Variants in SLC25A39 observed in about 807,000 individuals in gnomAD.
SLC25A39 encodes mitochondrial glutathione transporter SLC25A39.
In SLC25A39, 44 loss-of-function variants were observed where a neutral mutation model predicts 46.6. That is an observed-to-expected ratio of 0.94 (90% CI 0.74 to 1.21). SLC25A39 has a LOEUF of 1.21. Ranked by LOEUF, SLC25A39 falls within the 50% of genes most tolerant of loss-of-function variation. The pLI, the probability that SLC25A39 is intolerant of heterozygous loss-of-function variation, is 0.00. For missense variants in SLC25A39, 487 were observed against 473.0 expected, an observed-to-expected ratio of 1.03 and a Z score of -0.28; for synonymous variants, 218 against 190.6, an observed-to-expected ratio of 1.14 and a Z score of -1.19.
chr17:44,322,678 G>GGACT, intron 4 of SLC25A39, 126 bp from the exon 5 acceptor site: 1 of 1,556,816 alleles, frequency 6.4e-7, no homozygotes, highest in African/African-American at 1.4e-5. Flanking sequence ...GCAGGTCACA[G>GGACT]GACTGGCTGG....
intron 1 of SLC25A39, chr17:44,323,950 C>CT: frequency 4.2e-6 from 1 of 240,926 alleles, no homozygotes; most frequent in East Asian, 1.3e-4. Flanking sequence ...CACTGTGAGA[C>CT]TTTAACCCAA....
intron 5 of SLC25A39, 140 bp downstream of exon 5, chr17:44,322,278 GC>G (rs2048069392): frequency 1.2e-6 from 1 of 840,488 alleles, no homozygotes; most frequent in Non-Finnish European, 1.9e-6. Flanking sequence ...TGGAGGTACT[GC>G]CTTCTCCGGA....
intron 2 of SLC25A39, 53 bp from the exon 3 acceptor site, chr17:44,323,396 T>C (rs2048118473): frequency 6.3e-7 from 1 of 1,589,446 alleles, no homozygotes; most frequent in Non-Finnish European, 8.6e-7. Flanking sequence ...CCCCTAGGAC[T>C]CCTCCCCCAG....
chr17:44,320,928 T>TGA, intron 8 of SLC25A39, 130 bp downstream of exon 8: 1 of 1,211,092 alleles, frequency 8.3e-7, no homozygotes, highest in South Asian at 1.6e-5. Flanking sequence ...ACTTCACAGA[T>TGA]GAGAAACCCA....
Position 44,319,802 on chromosome 17 carries a change from C to T in SLC25A39, c.*199G>A, listed in dbSNP as rs945783205. The T allele has an allele frequency of 3.1e-5, 18 of 578,088 alleles. No individual in the cohort carries two copies. The East Asian group carries it at 3.2e-4, about 10-fold the overall frequency. 35.8% of individuals were successfully genotyped at this position (578,088 alleles called of 1,614,324 possible). On this transcript the variant is annotated 3_prime_UTR_variant, in exon 12 of 12. Coordinates refer to ENST00000377095, the MANE Select transcript of SLC25A39 (RefSeq NM_001143780.3). ...GGGGGTGGGTAAGTGATGATCCCCA[C>T]GACTGGAGCAGCAGGAAGAAGTTGT...
Position 44,321,706 on chromosome 17 carries a change from G to A in SLC25A39, c.386C>T (p.Ala129Val). 1 of 1,611,894 alleles carries A rather than the reference G, an allele frequency of 6.2e-7. No individual in the cohort carries two copies. The highest frequency in any genetic ancestry group is 1.1e-5 in the South Asian group (1 of 90,890). ...GTRTLWSGLPATLVMTVPATA... is the reference protein window; with the variant it reads ...GTRTLWSGLPVTLVMTVPATA... ...GCAGGACCCGGCTACTCACAGGGTG[G>A]CGGGGAGGCCGCTCCAGAGGGTCCT... is the stretch of plus-strand genomic sequence containing the variant. Residue 129 changes from alanine to valine, a missense_variant, in exon 6 of 12, where the codon GCC (alanine) becomes GTC (valine). By Grantham distance (64) the Ala-to-Val change is moderately conservative. Transcript: ENST00000377095.
chr17:44,322,798 G>C lies in SLC25A39; in HGVS notation c.190+10C>G. The C allele has an allele frequency of 6.2e-7, 1 of 1,613,980 alleles. No homozygotes were observed. On this transcript the variant is annotated intron_variant, in intron 4 of 11. Transcript: ENST00000377095. ...ACCCTCCCATGCTCCCTGTGGCTTG[G>C]GGCACTCACATTTGGTATAGGAGAG...
In SLC25A39 at chr17:44,319,963, T is replaced by A; in HGVS notation, c.*38A>T. 2.5e-6 allele frequency: 4 copies of A among 1,584,552 alleles called. No individual in the cohort carries two copies. Among genetic ancestry groups the A allele is most frequent in the Non-Finnish European group, 3.5e-6 (4 of 1,153,796 alleles). On this transcript the variant is annotated 3_prime_UTR_variant, in exon 12 of 12. Coordinates refer to ENST00000377095, the MANE Select transcript of SLC25A39 (RefSeq NM_001143780.3). ...TGGGTCTCCTCCTGCCCTCTCCCCA[T>A]CCGTGGGAGAGACGGGGTCCTTGCC... is the stretch of plus-strand genomic sequence containing the variant.
Position 44,319,802 on chromosome 17 carries a change from C to G in SLC25A39, c.*199G>C. 1.7e-6 allele frequency: 1 copy of G among 578,206 alleles called. No homozygotes were observed. The highest frequency in any genetic ancestry group is 2.9e-5 in the East Asian group (1 of 34,118). 35.8% of individuals were successfully genotyped at this position (578,206 alleles called of 1,614,324 possible). ...GGGGGTGGGTAAGTGATGATCCCCA[C>G]GACTGGAGCAGCAGGAAGAAGTTGT... On this transcript the variant is annotated 3_prime_UTR_variant, in exon 12 of 12. Transcript: ENST00000377095.
chr17:44,324,196 C>T (rs530585262), intron 1 of SLC25A39: 1 of 152,980 alleles, frequency 6.5e-6, no homozygotes, highest in South Asian at 2.0e-4. Flanking sequence ...CCACTGCGCA[C>T]CTCCTACGTG....
intron 9 of SLC25A39, 70 bp from the exon 10 acceptor site, chr17:44,320,506 C>T (rs1050674333): frequency 1.3e-6 from 2 of 1,594,710 alleles, no homozygotes; most frequent in African/African-American, 1.3e-5. Flanking sequence ...CCAGATGGCT[C>T]TTGCGGCTGG....
Position 44,322,401 on chromosome 17 carries a change from G to A in SLC25A39, c.324+18C>T. ...TCACGGACACCGACGAATCCCTACG[G>A]ACCCAGCTGCTCCTCACCATGGTGC... On this transcript the variant is annotated intron_variant, in intron 5 of 11. Coordinates refer to ENST00000377095, the MANE Select transcript of SLC25A39 (RefSeq NM_001143780.3). 1 of 1,613,930 alleles carries A rather than the reference G, an allele frequency of 6.2e-7. No individual in the cohort carries two copies. Among genetic ancestry groups the A allele is most frequent in the South Asian group, 1.1e-5 (1 of 91,068 alleles).
At position 44,322,838 on chromosome 17, in the gene SLC25A39, A is replaced by C. The variant is rs1427778159; in HGVS notation, c.160T>G (p.Ser54Ala). 2.5e-6 allele frequency: 4 copies of C among 1,613,904 alleles called. No individual in the cohort carries two copies. Among genetic ancestry groups the C allele is most frequent in the African/African-American group, 1.3e-5 (1 of 74,904 alleles). ...GTATAGGAGAGGCTCCACAGTCTGG[A>C]GGAAGGCATCAGCTCTAAAATACAA... ...PSMASELMPS[S>A]RLWSLSYTKL... Residue 54 changes from serine (S) to alanine (A), a missense_variant, in exon 4 of 12, where the codon TCC (serine) becomes GCC (alanine). Ser to Ala is a moderately conservative substitution (Grantham distance 99). Coordinates refer to ENST00000377095, the MANE Select transcript of SLC25A39 (RefSeq NM_001143780.3).
Position 44,324,817 on chromosome 17 carries a change from C to G in SLC25A39, c.-122G>C, listed in dbSNP as rs1008387753. 1 of 152,040 alleles carries G rather than the reference C, an allele frequency of 6.6e-6. No homozygotes were observed. Among genetic ancestry groups the G allele is most frequent in the Non-Finnish European group, 1.5e-5 (1 of 68,038 alleles). 9.4% of individuals were successfully genotyped at this position (152,040 alleles called of 1,614,324 possible). Reference sequence around the variant, plus strand: ...GCGCGCGCTCGCAGCGCACCTAGGCCGACGCCGAAAGCAGCCAAGGGGGCC... The same window carrying G: ...GCGCGCGCTCGCAGCGCACCTAGGCGGACGCCGAAAGCAGCCAAGGGGGCC... On this transcript the variant is annotated 5_prime_UTR_variant, in exon 1 of 12. Transcript: ENST00000377095.
At chr17:44,323,439 A>AAAGCCCCCCC in intron 2 of SLC25A39, 39 bp downstream of exon 2, 3 of 257,114 alleles carry the variant, frequency 1.2e-5, no homozygotes, top group Non-Finnish European at 1.7e-5. Context: ...GGTCTGCCCC[A>AAAGCCCCCCC]TCCCCACCCG....
In SLC25A39 at chr17:44,322,414, C is replaced by T. The variant is rs955550536; in HGVS notation, c.324+5G>A. Reference sequence around the variant, plus strand: ...CGAATCCCTACGGACCCAGCTGCTCCTCACCATGGTGCCAGTGAAGCGGGT... The same window carrying T: ...CGAATCCCTACGGACCCAGCTGCTCTTCACCATGGTGCCAGTGAAGCGGGT... On this transcript the variant is annotated splice_donor_5th_base_variant and intron_variant, in intron 5 of 11. Coordinates refer to ENST00000377095, the MANE Select transcript of SLC25A39 (RefSeq NM_001143780.3). The T allele has an allele frequency of 1.2e-6, 2 of 1,613,978 alleles. No individual in the cohort carries two copies. Among genetic ancestry groups the T allele is most frequent in the Non-Finnish European group, 1.7e-6 (2 of 1,180,008 alleles).
chr17:44,323,803 A>T (rs1422452058), intron 1 of SLC25A39: 1 of 537,560 alleles, frequency 1.9e-6, no homozygotes, highest in Non-Finnish European at 3.3e-6. Context: ...CACCACGCCT[A>T]GTTAATTTTT....
chr17:44,323,439 A>AGCCCCCCCCCCC, intron 2 of SLC25A39, 39 bp downstream of exon 2: 3 of 257,080 alleles, frequency 1.2e-5, no homozygotes, highest in Non-Finnish European at 1.7e-5. Context: ...GGTCTGCCCC[A>AGCCCCCCCCCCC]TCCCCACCCG....
chr17:44,322,869 C>A lies in SLC25A39; in HGVS notation c.146-17G>T. Reference sequence around the variant, plus strand: ...GCATCAGCTCTAAAATACAAGGCAGCCCCTCAAGTCAGGAGAGCCCCCACC... The same window carrying A: ...GCATCAGCTCTAAAATACAAGGCAGACCCTCAAGTCAGGAGAGCCCCCACC... On this transcript the variant is annotated splice_polypyrimidine_tract_variant and intron_variant, in intron 3 of 11. Coordinates refer to ENST00000377095, the MANE Select transcript of SLC25A39 (RefSeq NM_001143780.3). 6.2e-7 allele frequency: 1 copy of A among 1,613,846 alleles called. No homozygotes were observed. The highest frequency in any genetic ancestry group is 8.5e-7 in the Non-Finnish European group (1 of 1,179,892).
Sources: allele counts gnomAD v4.1 joint callset, GRCh38; gene constraint gnomAD v4.1.1; transcripts MANE v1.5; gene names NCBI Gene and HGNC (gene_info 2026-07-23, HGNC 2026-07-21).